EYS: variants seen among roughly 807,000 people sequenced by gnomAD.
EYS encodes EGF-like photoreceptor maintenance factor.
Under a neutral mutation model 282.1 loss-of-function variants are expected in EYS, and 250 were observed. That is an observed-to-expected ratio of 0.89 (90% confidence interval 0.80 to 0.98). The LOEUF (loss-of-function observed/expected upper bound fraction) is 0.98. Ranked by LOEUF, EYS falls within the 50% of genes least tolerant of loss-of-function variation. The pLI, the probability that EYS is intolerant of heterozygous loss-of-function variation, is 0.00. For missense variants in EYS, 4,016 were observed against 3,709.0 expected, an observed-to-expected ratio of 1.08 and a Z score of -2.15; for synonymous variants, 1,355 against 1,282.9, an observed-to-expected ratio of 1.06 and a Z score of -1.20.
chr6:64,210,955 C>T (rs553245645), intron 31 of EYS, among the ~76,000 whole-genome samples: 6 of 152,314 alleles, frequency 3.9e-5, no homozygotes, highest in African/African-American at 1.4e-4. Context: ...TCAAGGCTCT[C>T]TAGCCTTTGG....
At chr6:64,688,920 A>T (rs1770264846) in intron 22 of EYS, among the ~76,000 whole-genome samples, 1 of 151,822 alleles carries the variant, frequency 6.6e-6, no homozygotes. Flanking sequence ...CAAGACAGTG[A>T]TGCCCTCTCT....
At position 65,615,112 on chromosome 6, in the gene EYS, A is replaced by G. The variant is rs558989964; in HGVS notation, c.-333+24666T>C. Among the ~76,000 whole-genome samples the G allele has an allele frequency of 7.9e-5, 12 of 152,322 alleles. No homozygotes were observed. The South Asian group carries it at 2.5e-3, about 32-fold the overall frequency. ...AAAAATCTGAAAAATGTTGCTTAGT[A>G]ACTTGTCTGCAAGTAGGTTAATTGA... On this transcript the variant is annotated intron_variant, in intron 2 of 42. Transcript: ENST00000503581.
At chr6:64,141,336 A>G (rs989846199) in intron 31 of EYS, among the ~76,000 whole-genome samples, 33 of 152,356 alleles carry the variant, frequency 2.2e-4, no homozygotes, top group Non-Finnish European at 3.4e-4. Context: ...GCAGGAATAA[A>G]GTGATATTTG....
chr6:64,953,499 T>C (rs762595840), intron 14 of EYS, among the ~76,000 whole-genome samples: 4 of 151,854 alleles, frequency 2.6e-5, no homozygotes, highest in Non-Finnish European at 5.9e-5. Context: ...TAAATACTTA[T>C]AGAGTTGGCT....
chr6:64,850,485 TAGG>T (rs1765849911), intron 19 of EYS, among the ~76,000 whole-genome samples: 1 of 151,948 alleles, frequency 6.6e-6, no homozygotes. Flanking sequence ...AGAAGTTAAT[TAGG>T]TGAATAGGGA....
rs527806665 is a variant in EYS at position 64,390,279 on chromosome 6, A to T, written c.5928-1439T>A. On this transcript the variant is annotated intron_variant, in intron 28 of 42. Transcript: ENST00000503581. ...AACTGGGTGGAGCCCACCACAGCTC[A>T]AGGAGGCCGGTCTGCCTCTGTAGGC... Among the ~76,000 whole-genome samples the T allele has an allele frequency of 9.4e-4, 143 of 152,310 alleles. 3 individuals are homozygous for T. The East Asian group carries it at 0.026, about 27-fold the overall frequency.
intron 35 of EYS, among the ~76,000 whole-genome samples, chr6:63,971,653 A>G (rs1766582015): frequency 6.6e-6 from 1 of 152,100 alleles, no homozygotes; most frequent in African/African-American, 2.4e-5. Flanking sequence ...TAGAGAAGGA[A>G]ATAAAAAAGC....
At chr6:64,804,703 C>T (rs1382516441) in intron 22 of EYS, among the ~76,000 whole-genome samples, 8 of 151,908 alleles carry the variant, frequency 5.3e-5, no homozygotes, top group Non-Finnish European at 1.0e-4. Flanking sequence ...TGTTTTAAAC[C>T]GTAGAAAATT....
At chr6:65,031,427 T>C (rs1435871679) in intron 13 of EYS, among the ~76,000 whole-genome samples, 1 of 152,022 alleles carries the variant, frequency 6.6e-6, no homozygotes, top group East Asian at 1.9e-4. Context: ...ACAGAATATA[T>C]ATTCTTCTCA....
intron 35 of EYS, among the ~76,000 whole-genome samples, chr6:63,949,396 T>G (rs1440265334): frequency 6.6e-6 from 1 of 152,194 alleles, no homozygotes. Flanking sequence ...TACATGCAGT[T>G]CCTCTCTTTG....
chr6:64,181,306 A>G (rs970843034), intron 31 of EYS, among the ~76,000 whole-genome samples: 5 of 152,260 alleles, frequency 3.3e-5, no homozygotes, highest in African/African-American at 1.2e-4. Flanking sequence ...AAATTGCAAT[A>G]AAGAATTCCT....
intron 33 of EYS, among the ~76,000 whole-genome samples, chr6:64,046,563 C>G (rs1582196188): frequency 6.6e-6 from 1 of 151,164 alleles, no homozygotes; most frequent in East Asian, 1.9e-4. Context: ...TTTTTTCAAC[C>G]AGAAACACAA....
intron 26 of EYS, among the ~76,000 whole-genome samples, chr6:64,457,491 GTCTC>G (rs1304723408): frequency 6.6e-6 from 1 of 151,886 alleles, no homozygotes; most frequent in African/African-American, 2.4e-5. Context: ...TCATATTGCA[GTCTC>G]TCTCTCCCTT....
chr6:65,613,851 A>T lies in EYS; in HGVS notation c.-333+25927T>A, dbSNP rs537186520. Among the ~76,000 whole-genome samples the T allele has an allele frequency of 4.6e-5, 7 of 151,864 alleles. No homozygotes were observed. In the South Asian group the frequency reaches 1.5e-3, roughly 32 times the overall value. On this transcript the variant is annotated intron_variant, in intron 2 of 42. Coordinates refer to ENST00000503581, the MANE Select transcript of EYS (RefSeq NM_001142800.2). ...TGATTTCCTACTTTGATAACTTCAA[A>T]CCTAATTTTTTTATGTTTTTCATAT... is the stretch of plus-strand genomic sequence containing the variant.
chr6:63,928,551 T>C (rs899346800), intron 35 of EYS, among the ~76,000 whole-genome samples: 12 of 150,650 alleles, frequency 8.0e-5, no homozygotes, highest in Admixed American at 2.0e-4. Flanking sequence ...TGTGTGTGTG[T>C]GCGTGTGCGC....
intron 35 of EYS, among the ~76,000 whole-genome samples, chr6:63,940,943 C>T (rs1201364430): frequency 1.3e-5 from 2 of 150,046 alleles, no homozygotes; most frequent in African/African-American, 2.4e-5. Flanking sequence ...GTTTGGTTTT[C>T]TGTCCTTGCG....
At chr6:64,824,541 C>A (rs2150023980) in intron 19 of EYS, among the ~76,000 whole-genome samples, 1 of 151,990 alleles carries the variant, frequency 6.6e-6, no homozygotes, top group Non-Finnish European at 1.5e-5. Context: ...GTTCCAAAGA[C>A]ACCACCATTC....
intron 40 of EYS, among the ~76,000 whole-genome samples, chr6:63,765,238 C>T (rs1769757066): frequency 6.6e-6 from 1 of 152,064 alleles, no homozygotes; most frequent in South Asian, 2.1e-4. Context: ...ACAGGAGGCT[C>T]CATTTTTGAC....
intron 19 of EYS, among the ~76,000 whole-genome samples, chr6:64,832,457 G>A (rs749415434): frequency 3.3e-5 from 5 of 151,868 alleles, no homozygotes; most frequent in East Asian, 1.9e-4. Flanking sequence ...GAGAAAATGC[G>A]TAGTTGTTCA....
Sources: allele counts gnomAD v4.1 joint callset (sites outside exome capture counted in the v4.1 genomes callset), GRCh38; gene constraint gnomAD v4.1.1; transcripts MANE v1.5; gene names NCBI Gene and HGNC (gene_info 2026-07-23, HGNC 2026-07-21).